CHST11: variants seen among roughly 807,000 people sequenced by gnomAD.
CHST11 encodes the protein carbohydrate sulfotransferase 11.
CHST11 carries 9 observed loss-of-function variants against 30.4 expected under a neutral mutation model. That is an observed-to-expected ratio of 0.30 (90% CI 0.18 to 0.52). The LOEUF is 0.52. Ranked by LOEUF, CHST11 falls within the 20% of genes least tolerant of loss-of-function variation. CHST11 has a pLI of 0.97. For synonymous variants in CHST11, 152 were observed against 187.8 expected (o/e 0.81, Z 1.56); for missense variants, 348 against 460.6 (o/e 0.76, Z 2.24).
chr12:104,635,966 G>A (rs1788750413), intron 2 of CHST11, among the ~76,000 whole-genome samples: 1 of 152,190 alleles, frequency 6.6e-6, no homozygotes, highest in African/African-American at 2.4e-5. Context: ...TTCCGGACAG[G>A]ATGGGCTGCT....
At chr12:104,526,607 G>A (rs1297533495) in intron 1 of CHST11, among the ~76,000 whole-genome samples, 2 of 152,158 alleles carry the variant, frequency 1.3e-5, no homozygotes, top group Admixed American at 6.5e-5. Context: ...ATGGGCCAGT[G>A]GGGGCACCAG....
In CHST11 at chr12:104,481,380, C is replaced by T. The variant is rs75491461; in HGVS notation, c.118+23851C>T. On this transcript the variant is annotated intron_variant, in intron 1 of 2. Transcript: ENST00000303694. ...CAGGTCCCGTTTAATGTTGCTTCCT[C>T]GTATTGGCCTTCCCAGTTGGGTGCG... Among the ~76,000 whole-genome samples, 1,295 of 152,244 alleles carry T rather than the reference C, an allele frequency of 8.5e-3. 13 individuals are homozygous for T. Among genetic ancestry groups the T allele is most frequent in the African/African-American group, 0.029 (1,216 of 41,526 alleles).
Position 104,473,626 on chromosome 12 carries a change from T to C in CHST11, c.118+16097T>C, listed in dbSNP as rs560166517. On this transcript the variant is annotated intron_variant, in intron 1 of 2. Coordinates refer to ENST00000303694, the MANE Select transcript of CHST11 (RefSeq NM_018413.6). ...CCCTGAAAGATGCCGCCCTGTGTCC[T>C]CTTTAAATCAAAAGACTGCCTCTTT... Among the ~76,000 whole-genome samples the C allele has an allele frequency of 3.9e-5, 6 of 152,206 alleles. No individual in the cohort carries two copies. In the East Asian group the frequency reaches 1.2e-3, roughly 29 times the overall value.
At chr12:104,611,288 G>A (rs1277278012) in intron 2 of CHST11, among the ~76,000 whole-genome samples, 1 of 152,202 alleles carries the variant, frequency 6.6e-6, no homozygotes, top group East Asian at 1.9e-4. Flanking sequence ...GAAATCTGAT[G>A]TGTATTTGAT....
intron 2 of CHST11, among the ~76,000 whole-genome samples, chr12:104,752,076 C>G (rs1334828125): frequency 6.6e-6 from 1 of 152,202 alleles, no homozygotes; most frequent in Non-Finnish European, 1.5e-5. Context: ...AATGTATTCT[C>G]TCACAGTCCT....
At chr12:104,558,093 A>C (rs1384333007) in intron 1 of CHST11, among the ~76,000 whole-genome samples, 1 of 152,066 alleles carries the variant, frequency 6.6e-6, no homozygotes, top group African/African-American at 2.4e-5. Flanking sequence ...GGAGATGTGC[A>C]GTTACTCCCC....
chr12:104,696,482 C>CAAAA lies in CHST11; in HGVS notation c.205-60445_205-60442dup, dbSNP rs10602668. 4.7e-3 allele frequency among the ~76,000 whole-genome samples: 328 copies of CAAAA among 69,114 alleles called. 14 individuals are homozygous for CAAAA. Among genetic ancestry groups the CAAAA allele is most frequent in the Non-Finnish European group, 5.8e-3 (234 of 40,086 alleles). 45.3% of individuals were successfully genotyped at this position (69,114 alleles called of 152,430 possible). ...TGAAACCCCGACTCTGCTAAAAATA[C>CAAAA]AAAAAAAAAAAAAAAAAAAAAAAAA... On this transcript the variant is annotated intron_variant, in intron 2 of 2. Transcript: ENST00000303694.
intron 1 of CHST11, among the ~76,000 whole-genome samples, chr12:104,526,037 C>T (rs1001924841): frequency 7.2e-5 from 11 of 152,132 alleles, no homozygotes; most frequent in Admixed American, 2.6e-4. Context: ...CATGTCTTTT[C>T]GGCAGACGAC....
At chr12:104,592,102 C>T (rs528087996) in intron 1 of CHST11, among the ~76,000 whole-genome samples, 3 of 150,990 alleles carry the variant, frequency 2.0e-5, no homozygotes, top group East Asian at 4.0e-4. Flanking sequence ...CTCCCCTCCC[C>T]TCTTCTCCCC....
At chr12:104,532,358 A>G (rs1474923444) in intron 1 of CHST11, among the ~76,000 whole-genome samples, 2 of 149,866 alleles carry the variant, frequency 1.3e-5, no homozygotes, top group African/African-American at 2.5e-5. Flanking sequence ...AAGACGGTGT[A>G]TTGGTTCCTA....
intron 2 of CHST11, among the ~76,000 whole-genome samples, chr12:104,636,573 T>C (rs35548330): frequency 0.056 from 8,537 of 152,264 alleles, 509 homozygotes; most frequent in African/African-American, 0.15. Context: ...CCTTGATTTT[T>C]GTGCCGTTTA....
intron 1 of CHST11, among the ~76,000 whole-genome samples, chr12:104,479,603 C>T (rs1252223014): frequency 6.6e-6 from 1 of 152,024 alleles, no homozygotes; most frequent in Non-Finnish European, 1.5e-5. Context: ...TCTTGTTTTT[C>T]TGATGAATAA....
chr12:104,605,222 T>G (rs2038993517), intron 2 of CHST11, among the ~76,000 whole-genome samples: 1 of 151,908 alleles, frequency 6.6e-6, no homozygotes, highest in South Asian at 2.1e-4. Flanking sequence ...ATTGGGAAAT[T>G]TTGGCTATAA....
At chr12:104,643,988 G>A (rs895376905) in intron 2 of CHST11, among the ~76,000 whole-genome samples, 2 of 152,182 alleles carry the variant, frequency 1.3e-5, no homozygotes, top group African/African-American at 4.8e-5. Context: ...GCAAACAAAG[G>A]AACCTCTTAG....
intron 2 of CHST11, among the ~76,000 whole-genome samples, chr12:104,644,392 T>C (rs940436455): frequency 1.3e-5 from 2 of 152,194 alleles, no homozygotes; most frequent in Non-Finnish European, 2.9e-5. Context: ...TCTCCTTGGT[T>C]CCAGCCCTCA....
Position 104,501,336 on chromosome 12 carries a change from C to A in CHST11, c.118+43807C>A, listed in dbSNP as rs569114075. On this transcript the variant is annotated intron_variant, in intron 1 of 2. Transcript: ENST00000303694. ...TCCTTGATGGACACATAGTAGAGCC[C>A]TGGGATCCAGGAAGTAACAAGAGGG... Among the ~76,000 whole-genome samples, 3 of 152,246 alleles carry A rather than the reference C, an allele frequency of 2.0e-5. No individual in the cohort carries two copies. The East Asian group carries it at 5.8e-4, about 29-fold the overall frequency.
Position 104,586,065 on chromosome 12 carries a change from G to A in CHST11, c.119-15841G>A, listed in dbSNP as rs564588607. 7.0e-4 allele frequency among the ~76,000 whole-genome samples: 106 copies of A among 152,216 alleles called. 2 individuals carry two copies. The South Asian group carries it at 8.5e-3, about 12-fold the overall frequency. On this transcript the variant is annotated intron_variant, in intron 1 of 2. Transcript: ENST00000303694. ...TCCCAGTGGATATGTATTTGGAAGG[G>A]ACACTGTGCAATCCACTATATCACG...
Position 104,586,557 on chromosome 12 carries a change from A to C in CHST11, c.119-15349A>C, listed in dbSNP as rs1026695247. On this transcript the variant is annotated intron_variant, in intron 1 of 2. Coordinates refer to ENST00000303694, the MANE Select transcript of CHST11 (RefSeq NM_018413.6). ...GTTACCTGGACTATTTCCTTTCTCCAGCAGCTACGTTACTCTGTCTCTGAA... is the reference window on the plus strand; with the variant it reads ...GTTACCTGGACTATTTCCTTTCTCCCGCAGCTACGTTACTCTGTCTCTGAA... Among the ~76,000 whole-genome samples the C allele has an allele frequency of 2.6e-5, 4 of 152,256 alleles. No individual in the cohort carries two copies. The East Asian group carries it at 7.7e-4, about 29-fold the overall frequency.
At chr12:104,488,084 G>A (rs2037700963) in intron 1 of CHST11, among the ~76,000 whole-genome samples, 1 of 151,704 alleles carries the variant, frequency 6.6e-6, no homozygotes, top group Non-Finnish European at 1.5e-5. Context: ...TAAAATCCTG[G>A]CAAACTTTTC....
Sources: allele counts gnomAD v4.1 joint callset (sites outside exome capture counted in the v4.1 genomes callset), GRCh38; gene constraint gnomAD v4.1.1; transcripts MANE v1.5; gene names NCBI Gene and HGNC (gene_info 2026-07-23, HGNC 2026-07-21).